The following SHANK2 variants were observed in gnomAD, a reference collection of about 807,000 sequenced individuals.
The protein encoded by SHANK2 is SH3 and multiple ankyrin repeat domains 2.
Under a neutral mutation model 133.7 loss-of-function variants are expected in SHANK2, and 43 were observed. That is an observed-to-expected ratio of 0.32 (90% confidence interval 0.25 to 0.41). SHANK2 has a LOEUF of 0.41. Ranked by LOEUF, SHANK2 falls within the 10% of genes least tolerant of loss-of-function variation. SHANK2 has a pLI of 1.00. For synonymous variants in SHANK2, 1,017 were observed against 952.8 expected (o/e 1.07, Z -1.24); for missense variants, 1,994 against 2,235.8 (o/e 0.89, Z 2.18).
intron 2 of SHANK2, among the ~76,000 whole-genome samples, chr11:71,168,575 C>A (rs1367726324): frequency 6.6e-6 from 1 of 152,156 alleles, no homozygotes; most frequent in African/African-American, 2.4e-5. Context: ...GCAATCCCGG[C>A]ACTTCAGGAT....
intron 2 of SHANK2, among the ~76,000 whole-genome samples, chr11:71,198,799 C>T (rs61887414): frequency 0.092 from 13,931 of 152,206 alleles, 841 homozygotes; most frequent in Middle Eastern, 0.13. Context: ...GGTTGTGAGG[C>T]GGCGGGGTCT....
intron 20 of SHANK2, 100 bp downstream of exon 20, chr11:70,501,823 A>G: frequency 8.1e-7 from 1 of 1,230,028 alleles, no homozygotes; most frequent in Admixed American, 2.0e-5. Context: ...CGTGGGGAGC[A>G]GCTCACACAG....
At chr11:70,517,672 A>G (rs2059282111) in intron 17 of SHANK2, among the ~76,000 whole-genome samples, 2 of 152,238 alleles carry the variant, frequency 1.3e-5, no homozygotes, top group Admixed American at 1.3e-4. Context: ...ACTATGGAGA[A>G]GGTAAAAAGA....
In SHANK2 at chr11:70,572,257, T is replaced by A. The variant is rs141536619; in HGVS notation, c.2062-69326A>T. 7.6e-3 allele frequency among the ~76,000 whole-genome samples: 1,161 copies of A among 152,326 alleles called. 12 individuals are homozygous for A. The highest frequency in any genetic ancestry group is 0.027 in the African/African-American group (1,105 of 41,568). On this transcript the variant is annotated intron_variant, in intron 17 of 25. Transcript: ENST00000601538. ...TCACTGCAACGTCCACCTCCCAGGT[T>A]CAAGGGATTCTCCTGCCTCAGCCTC...
At chr11:71,178,452 T>C (rs1467817323) in intron 2 of SHANK2, among the ~76,000 whole-genome samples, 2 of 152,210 alleles carry the variant, frequency 1.3e-5, no homozygotes, top group Non-Finnish European at 2.9e-5. Context: ...TATTGTTTAA[T>C]GGGCACAGAG....
intron 11 of SHANK2, among the ~76,000 whole-genome samples, chr11:70,869,235 C>T (rs1011793083): frequency 4.6e-5 from 7 of 152,182 alleles, no homozygotes; most frequent in African/African-American, 1.7e-4. Flanking sequence ...CGATAAATGA[C>T]TTGTGTAAGC....
intron 3 of SHANK2, among the ~76,000 whole-genome samples, chr11:71,123,819 A>C (rs1952120709): frequency 6.6e-6 from 1 of 152,170 alleles, no homozygotes; most frequent in Non-Finnish European, 1.5e-5. Context: ...AACTCCTCTA[A>C]AGGATTACTG....
intron 17 of SHANK2, among the ~76,000 whole-genome samples, chr11:70,650,537 T>C (rs987174616): frequency 6.6e-6 from 1 of 152,194 alleles, no homozygotes; most frequent in Non-Finnish European, 1.5e-5. Context: ...GATCCAGCAA[T>C]GCTCTTGCTC....
intron 11 of SHANK2, among the ~76,000 whole-genome samples, chr11:70,849,275 A>G (rs1426058104): frequency 6.6e-6 from 1 of 152,138 alleles, no homozygotes; most frequent in Non-Finnish European, 1.5e-5. Context: ...GTGAGACCCC[A>G]TCTCAATATA....
At chr11:71,061,074 C>T (rs1027909499) in intron 9 of SHANK2, among the ~76,000 whole-genome samples, 11 of 152,262 alleles carry the variant, frequency 7.2e-5, no homozygotes, top group Non-Finnish European at 1.2e-4. Flanking sequence ...AAAGCCCTGG[C>T]GTCAGTTCTG....
chr11:71,215,837 G>T (rs1555119747), intron 2 of SHANK2, among the ~76,000 whole-genome samples: 1 of 152,174 alleles, frequency 6.6e-6, no homozygotes, highest in Non-Finnish European at 1.5e-5. Flanking sequence ...TAGGGACAAG[G>T]AGTGGAGTCA....
chr11:70,582,075 G>A (rs1554985601), intron 17 of SHANK2, among the ~76,000 whole-genome samples: 3 of 152,230 alleles, frequency 2.0e-5, no homozygotes, highest in South Asian at 2.1e-4. Context: ...TTTCCCTGCC[G>A]AAGAGCTGAG....
chr11:70,769,541 G>C (rs782798672), intron 14 of SHANK2, among the ~76,000 whole-genome samples: 2 of 148,872 alleles, frequency 1.3e-5, no homozygotes, highest in East Asian at 1.9e-4. Flanking sequence ...ATGCATACCT[G>C]GTGCACACGG....
At chr11:70,565,803 A>G (rs1488245592) in intron 17 of SHANK2, among the ~76,000 whole-genome samples, 2 of 152,192 alleles carry the variant, frequency 1.3e-5, no homozygotes, top group African/African-American at 4.8e-5. Flanking sequence ...CTTGGCCACA[A>G]GTAGAAGTTG....
intron 17 of SHANK2, among the ~76,000 whole-genome samples, chr11:70,615,856 G>C (rs1006606613): frequency 6.6e-6 from 1 of 152,218 alleles, no homozygotes; most frequent in Non-Finnish European, 1.5e-5. Context: ...GGCAACAAGG[G>C]AGGAACTTGC....
At chr11:70,781,800 G>C (rs539034072) in intron 14 of SHANK2, among the ~76,000 whole-genome samples, 1 of 124,042 alleles carries the variant, frequency 8.1e-6, no homozygotes, top group Admixed American at 1.0e-4. Flanking sequence ...CTACTGTAAA[G>C]ACACATGCAC....
intron 3 of SHANK2, among the ~76,000 whole-genome samples, chr11:71,127,927 C>G (rs1952221693): frequency 6.6e-6 from 1 of 152,222 alleles, no homozygotes; most frequent in African/African-American, 2.4e-5. Context: ...GCATACAACC[C>G]CGCGCCCCAG....
chr11:70,702,503 C>T (rs1945559735), intron 14 of SHANK2, among the ~76,000 whole-genome samples: 1 of 152,108 alleles, frequency 6.6e-6, no homozygotes, highest in South Asian at 2.1e-4. Context: ...TCACCATCAT[C>T]AGCACCACCA....
intron 17 of SHANK2, among the ~76,000 whole-genome samples, chr11:70,594,286 G>A (rs921209951): frequency 2.0e-5 from 3 of 152,200 alleles, no homozygotes; most frequent in East Asian, 3.9e-4. Context: ...GAAAGATCGC[G>A]TTACGTGAGT....
Sources: allele counts gnomAD v4.1 joint callset (sites outside exome capture counted in the v4.1 genomes callset), GRCh38; gene constraint gnomAD v4.1.1; transcripts MANE v1.5; gene names NCBI Gene and HGNC (gene_info 2026-07-23, HGNC 2026-07-21).